PPP1R2: variants seen among roughly 807,000 people sequenced by gnomAD.
PPP1R2 encodes protein phosphatase inhibitor 2.
A neutral mutation model predicts 29.9 loss-of-function variants in PPP1R2; 16 were observed. The ratio of observed to expected loss-of-function variants is 0.53; its 90% confidence interval spans 0.36 to 0.81. The LOEUF (loss-of-function observed/expected upper bound fraction) is 0.81, where lower values mean the gene tolerates loss of function less well. Among genes scored for constraint, PPP1R2 ranks in the 30% least tolerant of loss-of-function variants. PPP1R2 has a pLI of 0.00. For missense variants in PPP1R2, 197 were observed against 252.7 expected (o/e 0.78, Z 1.49); for synonymous variants, 76 against 91.5 (o/e 0.83, Z 0.96).
chr3:195,543,170 C>T lies in PPP1R2; in HGVS notation c.-145G>A. The T allele has an allele frequency of 8.7e-7, 1 of 1,149,392 alleles. No homozygotes were observed. The highest frequency in any genetic ancestry group is 1.7e-5 in the South Asian group (1 of 57,304). 71.2% of individuals were successfully genotyped at this position (1,149,392 alleles called of 1,614,324 possible). On this transcript the variant is annotated 5_prime_UTR_variant, in exon 1 of 6. Transcript: ENST00000618156. ...GCAACTGCTGCCTCGGAAACGGCTA[C>T]CGCAGCGGTTGTCACGACACAACGA...
At chr3:195,518,930 T>C in intron 5 of PPP1R2, 88 bp downstream of exon 5, 1 of 1,540,918 alleles carries the variant, frequency 6.5e-7, no homozygotes, top group Non-Finnish European at 8.7e-7. Flanking sequence ...AATTTTCTGT[T>C]TTTTCACAAG....
At chr3:195,538,455 T>C (rs1193031345) in intron 1 of PPP1R2, among the ~76,000 whole-genome samples, 1 of 152,250 alleles carries the variant, frequency 6.6e-6, no homozygotes, top group Admixed American at 6.5e-5. Context: ...ATATCGTTAC[T>C]GAACAATTAA....
At chr3:195,534,144 T>C (rs1167615548) in intron 1 of PPP1R2, among the ~76,000 whole-genome samples, 1 of 151,964 alleles carries the variant, frequency 6.6e-6, no homozygotes, top group Non-Finnish European at 1.5e-5. Flanking sequence ...AGTGAGACAC[T>C]ATCTCTACAA....
Position 195,542,945 on chromosome 3 carries a change from C to A in PPP1R2, c.81G>T (p.Ala27=). Residue 27 remains alanine, a synonymous_variant, in exon 1 of 6, where the codon GCG becomes GCT. Transcript: ENST00000618156. ...NKTSTTSSMV[A]SAEQPRGNVD... is the part of the protein sequence containing the mutation. The stretch of plus-strand genomic sequence containing the variant: ...CATTCCCGCGGGGCTGTTCGGCCGA[C>A]GCCACCATAGAGGAAGTCGTAGAGG... The A allele has an allele frequency of 6.2e-7, 1 of 1,603,518 alleles. No individual in the cohort carries two copies. The highest frequency in any genetic ancestry group is 1.1e-5 in the South Asian group (1 of 89,166).
In PPP1R2 at chr3:195,543,160, GA is replaced by G; in HGVS notation, c.-136del. The G allele has an allele frequency of 8.2e-7, 1 of 1,215,126 alleles. No homozygotes were observed. Among genetic ancestry groups the G allele is most frequent in the South Asian group, 1.7e-5 (1 of 59,160 alleles). The allele number at this position is 1,215,126 out of a possible 1,614,324, so 75.3% of individuals were successfully genotyped here. A position where few individuals can be genotyped will look rare whatever the true frequency, so the allele number is the denominator to read the frequency against. On this transcript the variant is annotated 5_prime_UTR_variant, in exon 1 of 6. Transcript: ENST00000618156. ...TAAAGCGGCCGCAACTGCTGCCTCG[GA>G]AACGGCTACCGCAGCGGTTGTCACG...
chr3:195,524,415 C>CT (rs1260572875), intron 3 of PPP1R2, among the ~76,000 whole-genome samples: 1 of 152,132 alleles, frequency 6.6e-6, no homozygotes. Flanking sequence ...CCAGCTACTA[C>CT]TGGGGAGGCT....
intron 1 of PPP1R2, among the ~76,000 whole-genome samples, chr3:195,539,713 T>C (rs1258860960): frequency 6.6e-6 from 1 of 152,014 alleles, no homozygotes; most frequent in African/African-American, 2.4e-5. Context: ...TAAGCACTAA[T>C]GCAAAGTATA....
chr3:195,542,885 C>A lies in PPP1R2; in HGVS notation c.122+19G>T, dbSNP rs747243702. 4 of 1,590,136 alleles carry A rather than the reference C, an allele frequency of 2.5e-6. No individual in the cohort carries two copies. Among genetic ancestry groups the A allele is most frequent in the Middle Eastern group, 1.7e-4 (1 of 5,980 alleles). On this transcript the variant is annotated intron_variant, in intron 1 of 5. Coordinates refer to ENST00000618156, the MANE Select transcript of PPP1R2 (RefSeq NM_006241.8). ...CGGCGGGAAGGAGGGGCTCCCAGGCCGTCCCTCCCAGCGCTCACCTCAGCT... is the reference window on the plus strand; with the variant it reads ...CGGCGGGAAGGAGGGGCTCCCAGGCAGTCCCTCCCAGCGCTCACCTCAGCT...
At chr3:195,524,954 A>T (rs999721533) in intron 2 of PPP1R2, 58 bp from the exon 3 acceptor site, 12 of 1,452,440 alleles carry the variant, frequency 8.3e-6, no homozygotes, top group Admixed American at 1.7e-5. Flanking sequence ...AGCCACAAAA[A>T]CAAGGGAGAA....
At chr3:195,518,840 TA>T (rs1577562109) in intron 5 of PPP1R2, among the ~76,000 whole-genome samples, 177 bp downstream of exon 5, 1 of 152,360 alleles carries the variant, frequency 6.6e-6, no homozygotes, top group East Asian at 1.9e-4. Flanking sequence ...ACTCTAGGTA[TA>T]AAAACTTTAT....
chr3:195,524,672 G>A, intron 3 of PPP1R2, 147 bp downstream of exon 3: 1 of 692,978 alleles, frequency 1.4e-6, no homozygotes, highest in Non-Finnish European at 2.4e-6. Flanking sequence ...AAAAAAGGGG[G>A]AAAAAAGGAA....
At chr3:195,535,550 G>T (rs1383995593) in intron 1 of PPP1R2, among the ~76,000 whole-genome samples, 1 of 152,188 alleles carries the variant, frequency 6.6e-6, no homozygotes, top group East Asian at 1.9e-4. Flanking sequence ...GGGGGTGAAG[G>T]GTTTCAAGAT....
intron 4 of PPP1R2, among the ~76,000 whole-genome samples, chr3:195,520,662 G>T (rs111866222): frequency 9.2e-5 from 14 of 151,990 alleles, no homozygotes; most frequent in Non-Finnish European, 2.1e-4. Flanking sequence ...CTCAATAAGG[G>T]TATTTACAGT....
chr3:195,539,729 TAAG>T (rs1719522930), intron 1 of PPP1R2, among the ~76,000 whole-genome samples: 1 of 151,852 alleles, frequency 6.6e-6, no homozygotes, highest in Non-Finnish European at 1.5e-5. Flanking sequence ...GTATAAACAA[TAAG>T]AAAATAACAG....
chr3:195,530,434 T>G (rs576785233), intron 1 of PPP1R2, among the ~76,000 whole-genome samples: 21 of 152,348 alleles, frequency 1.4e-4, no homozygotes, highest in African/African-American at 5.1e-4. Context: ...TACAGCTCTG[T>G]TTATTTCTAA....
intron 4 of PPP1R2, among the ~76,000 whole-genome samples, chr3:195,520,199 G>C (rs565387697): frequency 6.6e-6 from 1 of 152,042 alleles, no homozygotes; most frequent in East Asian, 1.9e-4. Context: ...TAGTAGAGAC[G>C]GGGTTTCATC....
Position 195,543,004 on chromosome 3 carries a change from G to C in PPP1R2, c.22C>G (p.His8Asp), listed in dbSNP as rs1421939312. The C allele has an allele frequency of 6.2e-7, 1 of 1,601,440 alleles. No homozygotes were observed. The highest frequency in any genetic ancestry group is 1.1e-5 in the South Asian group (1 of 89,040). Reference protein sequence around the residue: MAASTASHRPIKGILKNK... With the variant: MAASTASDRPIKGILKNK... ...TTCAAGATCCCCTTGATGGGCCGGT[G>C]CGAGGCCGTCGAGGCCGCCATTGCC... Residue 8 changes from histidine to aspartate, a missense_variant, in exon 1 of 6, where the codon CAC (histidine) becomes GAC (aspartate). This residue lies in a region of PPP1R2 where 54 missense variants were observed against 60.6 expected (regional missense o/e 0.89). Coordinates refer to ENST00000618156, the MANE Select transcript of PPP1R2 (RefSeq NM_006241.8).
rs1290462776 is a variant in PPP1R2 at position 195,543,224 on chromosome 3, G to C, written c.-199C>G. On this transcript the variant is annotated 5_prime_UTR_variant, in exon 1 of 6. Coordinates refer to ENST00000618156, the MANE Select transcript of PPP1R2 (RefSeq NM_006241.8). ...CGACGCCAGAGCCAACGCCGAACGGGTGGCGGCTACTCGCGCACCCTTAGC... is the reference window on the plus strand; with the variant it reads ...CGACGCCAGAGCCAACGCCGAACGGCTGGCGGCTACTCGCGCACCCTTAGC... 1 of 680,540 alleles carries C rather than the reference G, an allele frequency of 1.5e-6. No individual in the cohort carries two copies. The highest frequency in any genetic ancestry group is 2.3e-6 in the Non-Finnish European group (1 of 438,872). 42.2% of individuals were successfully genotyped at this position (680,540 alleles called of 1,614,324 possible).
At chr3:195,527,950 G>T in intron 2 of PPP1R2, 2 of 313,142 alleles carry the variant, frequency 6.4e-6, no homozygotes, top group Non-Finnish European at 1.3e-5. Flanking sequence ...TTTAGCATGC[G>T]TATTTTTTTT....
Sources: allele counts gnomAD v4.1 joint callset (sites outside exome capture counted in the v4.1 genomes callset), GRCh38; gene constraint gnomAD v4.1.1; regional missense constraint gnomAD v4.1.1; transcripts MANE v1.5; gene names NCBI Gene and HGNC (gene_info 2026-07-23, HGNC 2026-07-21).